ZNF277: variants seen among roughly 807,000 people sequenced by gnomAD.
ZNF277 encodes nuclear receptor-interacting factor 4.
ZNF277 carries 55 observed loss-of-function variants against 60.7 expected under a neutral mutation model. That is an observed-to-expected ratio of 0.91 (90% CI 0.73 to 1.13). ZNF277 has a LOEUF of 1.13. ZNF277 is among the 50% of genes most tolerant of loss of function. The probability of loss-of-function intolerance (pLI) is 0.00; values close to 1 mark genes in which losing one functional copy is unlikely to be tolerated. For synonymous variants in ZNF277, 178 were observed against 179.3 expected, an observed-to-expected ratio of 0.99 and a Z score of 0.06; for missense variants, 510 against 523.0, an observed-to-expected ratio of 0.98 and a Z score of 0.24.
At chr7:112,287,665 T>C (rs1792105345) in intron 2 of ZNF277, 1 of 152,224 alleles carries the variant, frequency 6.6e-6, no homozygotes, top group African/African-American at 2.4e-5. Flanking sequence ...TAGCTGGGAT[T>C]ACAGGCACCT....
intron 1 of ZNF277, among the ~76,000 whole-genome samples, chr7:112,220,558 G>A (rs780942438): frequency 2.0e-5 from 3 of 152,182 alleles, no homozygotes; most frequent in Non-Finnish European, 4.4e-5. Flanking sequence ...GGTGAATAGA[G>A]GTGCTGAGCA....
intron 1 of ZNF277, among the ~76,000 whole-genome samples, chr7:112,226,227 A>G (rs1292213111): frequency 1.3e-5 from 2 of 152,214 alleles, no homozygotes; most frequent in Non-Finnish European, 1.5e-5. Flanking sequence ...ACTGTCGTTC[A>G]TCTTCATATG....
intron 1 of ZNF277, among the ~76,000 whole-genome samples, chr7:112,235,671 T>C (rs976697471): frequency 6.6e-6 from 1 of 152,098 alleles, no homozygotes; most frequent in African/African-American, 2.4e-5. Context: ...GTATCAGTTC[T>C]ATGATTTTCA....
intron 1 of ZNF277, among the ~76,000 whole-genome samples, chr7:112,251,558 T>C (rs1180857757): frequency 6.6e-6 from 1 of 152,216 alleles, no homozygotes; most frequent in Non-Finnish European, 1.5e-5. Context: ...TGAAATTAGT[T>C]ATCTTTCTTT....
rs869082099 is a variant in ZNF277 at position 112,208,674 on chromosome 7, A to ATTTTTTTTTTTTTTTTTTTTTTTTT, written c.91+1891_91+1892insTTTTTTTTTTTTTTTTTTTTTTTTT. 1.6e-4 allele frequency among the ~76,000 whole-genome samples: 12 copies of ATTTTTTTTTTTTTTTTTTTTTTTTT among 72,808 alleles called. 1 individual carries two copies. Among genetic ancestry groups the ATTTTTTTTTTTTTTTTTTTTTTTTT allele is most frequent in the African/African-American group, 2.4e-4 (4 of 16,736 alleles). 47.8% of individuals were successfully genotyped at this position (72,808 alleles called of 152,430 possible). A position where few individuals can be genotyped will look rare whatever the true frequency, so the allele number is the denominator to read the frequency against. ...ATATGACACACGTCTGTATGATTTGATTTTTTTTTTTTTTTTTTTTTTTTG... is the reference window on the plus strand; with the variant it reads ...ATATGACACACGTCTGTATGATTTGATTTTTTTTTTTTTTTTTTTTTTTTTTTTTTTTTTTTTTTTTTTTTTTTTG... On this transcript the variant is annotated intron_variant, in intron 1 of 11. Coordinates refer to ENST00000361822, the MANE Select transcript of ZNF277 (RefSeq NM_021994.3).
chr7:112,275,191 G>A (rs1791765555), intron 1 of ZNF277, among the ~76,000 whole-genome samples: 2 of 152,098 alleles, frequency 1.3e-5, no homozygotes, highest in Non-Finnish European at 2.9e-5. Context: ...CTGGTAGTAA[G>A]GAAATAACAT....
Position 112,328,992 on chromosome 7 carries a change from C to T in ZNF277, c.669-1092C>T, listed in dbSNP as rs139841737. Among the ~76,000 whole-genome samples the T allele has an allele frequency of 2.5e-3, 381 of 152,168 alleles. 3 individuals carry two copies. Among genetic ancestry groups the T allele is most frequent in the African/African-American group, 8.6e-3 (359 of 41,516 alleles). ...CGAGTCCCTTCACCCTTTTGTTAAACGACTACCTATAAAATAAGACCAGAT... is the reference window on the plus strand; with the variant it reads ...CGAGTCCCTTCACCCTTTTGTTAAATGACTACCTATAAAATAAGACCAGAT... On this transcript the variant is annotated intron_variant, in intron 6 of 11. Coordinates refer to ENST00000361822, the MANE Select transcript of ZNF277 (RefSeq NM_021994.3).
At chr7:112,243,548 A>C (rs527392353) in intron 1 of ZNF277, among the ~76,000 whole-genome samples, 1 of 152,040 alleles carries the variant, frequency 6.6e-6, no homozygotes, top group South Asian at 2.1e-4. Context: ...AAAAGAAGAC[A>C]TACAAATGGC....
intron 4 of ZNF277, among the ~76,000 whole-genome samples, chr7:112,307,246 G>A (rs888799149): frequency 5.3e-5 from 8 of 151,966 alleles, no homozygotes; most frequent in African/African-American, 1.9e-4. Flanking sequence ...CAGGGATTTT[G>A]CCTTTAAGAA....
chr7:112,334,761 A>G (rs1374866766), intron 7 of ZNF277, among the ~76,000 whole-genome samples: 2 of 152,218 alleles, frequency 1.3e-5, no homozygotes, highest in Non-Finnish European at 2.9e-5. Context: ...CCCATACTTT[A>G]GTAATACCTT....
At chr7:112,310,456 A>AGAGAGAGAGAGAGAGAGAGAGTGT (rs771153849) in intron 4 of ZNF277, among the ~76,000 whole-genome samples, 2 of 138,336 alleles carry the variant, frequency 1.4e-5, no homozygotes, top group African/African-American at 6.0e-5. Flanking sequence ...GTTAGGTTTG[A>AGAGAGAGAGAGAGAGAGAGAGTGT]GAGAGAGAGA....
intron 1 of ZNF277, among the ~76,000 whole-genome samples, chr7:112,239,460 A>C (rs1302961363): frequency 6.6e-6 from 1 of 152,170 alleles, no homozygotes; most frequent in Non-Finnish European, 1.5e-5. Context: ...CTGACTCAGC[A>C]CAGTCCCAGT....
At chr7:112,210,461 T>C (rs1369491642) in intron 1 of ZNF277, among the ~76,000 whole-genome samples, 1 of 83,794 alleles carries the variant, frequency 1.2e-5, no homozygotes, top group Admixed American at 1.4e-4. Flanking sequence ...TGTTTTTGTT[T>C]TTTGTTTTTT....
chr7:112,272,944 C>T (rs185453109), intron 1 of ZNF277, among the ~76,000 whole-genome samples: 1 of 152,266 alleles, frequency 6.6e-6, no homozygotes, highest in East Asian at 1.9e-4. Context: ...GCCATTTTAA[C>T]TGGGGTGAGA....
rs546647771 is a variant in ZNF277, at chr7:112,320,590, T to C, written c.557+2317T>C. Among the ~76,000 whole-genome samples the C allele has an allele frequency of 5.9e-5, 9 of 152,202 alleles. 1 individual carries two copies. The South Asian group carries it at 1.9e-3, about 32-fold the overall frequency. ...AGACAAGGATAGAGTAATGAGTACT[T>C]TCTTGTTACCATACATCTACTTTTT... On this transcript the variant is annotated intron_variant, in intron 5 of 11. Coordinates refer to ENST00000361822, the MANE Select transcript of ZNF277 (RefSeq NM_021994.3).
At chr7:112,248,374 A>G (rs1285257151) in intron 1 of ZNF277, among the ~76,000 whole-genome samples, 1 of 151,684 alleles carries the variant, frequency 6.6e-6, no homozygotes, top group Non-Finnish European at 1.5e-5. Flanking sequence ...AGAGAACAGC[A>G]TTAAAATCTC....
intron 5 of ZNF277, among the ~76,000 whole-genome samples, chr7:112,326,971 A>T (rs1359012617): frequency 6.6e-6 from 1 of 152,178 alleles, no homozygotes. Context: ...ATTAATCAAG[A>T]AGTTGGTCAT....
chr7:112,334,183 G>A (rs1465492412), intron 7 of ZNF277, among the ~76,000 whole-genome samples: 1 of 152,094 alleles, frequency 6.6e-6, no homozygotes, highest in Non-Finnish European at 1.5e-5. Context: ...ACATGTAAGT[G>A]TGTATGTATT....
intron 1 of ZNF277, among the ~76,000 whole-genome samples, chr7:112,268,657 A>G (rs1040099857): frequency 6.6e-6 from 1 of 152,188 alleles, no homozygotes; most frequent in Non-Finnish European, 1.5e-5. Context: ...AGCACAAAGT[A>G]GAAAATATTT....
Sources: allele counts gnomAD v4.1 joint callset (sites outside exome capture counted in the v4.1 genomes callset), GRCh38; gene constraint gnomAD v4.1.1; transcripts MANE v1.5; gene names NCBI Gene and HGNC (gene_info 2026-07-23, HGNC 2026-07-21).